ADAMTSL1: variants seen among roughly 807,000 people sequenced by gnomAD.
ADAMTSL1 encodes the protein ADAMTS like 1.
In ADAMTSL1, 126 loss-of-function variants were observed where a neutral mutation model predicts 201.8. That is an observed-to-expected ratio of 0.62 (90% CI 0.54 to 0.72). The LOEUF (loss-of-function observed/expected upper bound fraction) is 0.72. Among genes scored for constraint, ADAMTSL1 ranks in the 30% least tolerant of loss-of-function variants. The probability of loss-of-function intolerance (pLI) is 0.00; values close to 1 mark genes in which losing one functional copy is unlikely to be tolerated. For missense variants in ADAMTSL1, 2,679 were observed against 2,277.8 expected (o/e 1.18, Z -3.59); for synonymous variants, 1,121 against 903.4 (o/e 1.24, Z -4.32).
intron 2 of ADAMTSL1, among the ~76,000 whole-genome samples, chr9:18,224,152 C>G (rs1307746444): frequency 3.3e-5 from 5 of 152,076 alleles, no homozygotes; most frequent in Non-Finnish European, 5.9e-5. Context: ...GTCTTGGTCC[C>G]TTTGTGCTGC....
At chr9:18,396,325 A>C (rs1817752041) in intron 2 of ADAMTSL1, among the ~76,000 whole-genome samples, 1 of 152,130 alleles carries the variant, frequency 6.6e-6, no homozygotes, top group African/African-American at 2.4e-5. Flanking sequence ...CAATATAAAA[A>C]TTAGATTGTG....
chr9:18,564,849 C>T (rs532396638), intron 3 of ADAMTSL1, among the ~76,000 whole-genome samples: 1 of 152,036 alleles, frequency 6.6e-6, no homozygotes, highest in African/African-American at 2.4e-5. Context: ...TAATAAAAAG[C>T]CTCAAGGAAT....
chr9:18,180,997 C>G (rs1435100360), intron 2 of ADAMTSL1, among the ~76,000 whole-genome samples: 2 of 152,166 alleles, frequency 1.3e-5, no homozygotes, highest in East Asian at 1.9e-4. Flanking sequence ...CTACAACTAT[C>G]TGATCTTTGA....
intron 21 of ADAMTSL1, among the ~76,000 whole-genome samples, chr9:18,821,669 T>C (rs142687758): frequency 7.9e-5 from 12 of 152,318 alleles, no homozygotes; most frequent in African/African-American, 2.6e-4. Context: ...CTTGGTTTTT[T>C]AGAATAATTG....
At chr9:18,064,660 AG>A (rs148311560) in intron 1 of ADAMTSL1, among the ~76,000 whole-genome samples, 4,131 of 152,276 alleles carry the variant, frequency 0.027, 93 homozygotes, top group African/African-American at 0.068. Context: ...AGTTGATGAA[AG>A]AATGATTACA....
intron 1 of ADAMTSL1, among the ~76,000 whole-genome samples, chr9:18,065,291 G>T (rs1010305426): frequency 1.3e-5 from 2 of 152,092 alleles, no homozygotes; most frequent in Non-Finnish European, 2.9e-5. Context: ...GTGTTGGCTG[G>T]CAATTTCTAG....
At chr9:18,313,627 A>C (rs1834238893) in intron 2 of ADAMTSL1, among the ~76,000 whole-genome samples, 1 of 152,168 alleles carries the variant, frequency 6.6e-6, no homozygotes, top group South Asian at 2.1e-4. Flanking sequence ...AAAGAATAAA[A>C]TTGGGCTCTC....
intron 2 of ADAMTSL1, among the ~76,000 whole-genome samples, chr9:18,199,868 C>A (rs1226152863): frequency 6.7e-6 from 1 of 150,122 alleles, no homozygotes; most frequent in African/African-American, 2.4e-5. Flanking sequence ...TTTCACAATA[C>A]AAATGGTTCA....
intron 2 of ADAMTSL1, among the ~76,000 whole-genome samples, chr9:18,336,940 A>G (rs1835265000): frequency 6.6e-6 from 1 of 152,164 alleles, no homozygotes; most frequent in Non-Finnish European, 1.5e-5. Context: ...ACATTGTTCC[A>G]AGCCTTTATT....
At chr9:18,001,639 A>G (rs181102966) in intron 1 of ADAMTSL1, among the ~76,000 whole-genome samples, 3 of 152,198 alleles carry the variant, frequency 2.0e-5, no homozygotes, top group Admixed American at 6.5e-5. Context: ...GTGTAGCAGT[A>G]AAGAAGGGCA....
intron 4 of ADAMTSL1, among the ~76,000 whole-genome samples, chr9:18,609,723 A>G (rs1049092159): frequency 6.6e-6 from 1 of 152,068 alleles, no homozygotes; most frequent in African/African-American, 2.4e-5. Flanking sequence ...TCCCCCCCCT[A>G]AAATAATCAA....
chr9:18,191,989 G>A (rs1828990208), intron 2 of ADAMTSL1, among the ~76,000 whole-genome samples: 1 of 152,064 alleles, frequency 6.6e-6, no homozygotes, highest in Non-Finnish European at 1.5e-5. Flanking sequence ...AGATCTTCTT[G>A]TAATGAAATA....
intron 3 of ADAMTSL1, among the ~76,000 whole-genome samples, chr9:18,567,051 G>A (rs1385366288): frequency 6.6e-6 from 1 of 152,114 alleles, no homozygotes; most frequent in Non-Finnish European, 1.5e-5. Context: ...AAATTATTAA[G>A]CCTCACCCCA....
intron 1 of ADAMTSL1, among the ~76,000 whole-genome samples, chr9:17,933,924 G>A (rs538877348): frequency 2.9e-4 from 44 of 152,154 alleles, no homozygotes; most frequent in South Asian, 2.3e-3. Flanking sequence ...AAAGATACTT[G>A]TTTCTGTTCT....
intron 2 of ADAMTSL1, among the ~76,000 whole-genome samples, chr9:18,379,963 C>T (rs1837480449): frequency 6.6e-6 from 1 of 152,148 alleles, no homozygotes; most frequent in African/African-American, 2.4e-5. Context: ...AAATAAAGCA[C>T]ATACGGAATG....
At chr9:18,250,383 T>C (rs756382191) in intron 2 of ADAMTSL1, among the ~76,000 whole-genome samples, 1 of 152,198 alleles carries the variant, frequency 6.6e-6, no homozygotes, top group Admixed American at 6.5e-5. Flanking sequence ...GGGAGAGATA[T>C]CTGGAGGGGT....
intron 2 of ADAMTSL1, among the ~76,000 whole-genome samples, chr9:18,330,777 A>G (rs1464471496): frequency 6.6e-6 from 1 of 152,230 alleles, no homozygotes; most frequent in African/African-American, 2.4e-5. Flanking sequence ...ATATGGCACT[A>G]AGCAAACCAA....
chr9:17,982,131 T>C (rs1196823563), intron 1 of ADAMTSL1, among the ~76,000 whole-genome samples: 1 of 152,226 alleles, frequency 6.6e-6, no homozygotes, highest in East Asian at 1.9e-4. Flanking sequence ...TCTTGTTTTA[T>C]AGTTTTCCTC....
chr9:18,705,037 A>C (rs560010757), intron 13 of ADAMTSL1, among the ~76,000 whole-genome samples: 1 of 152,360 alleles, frequency 6.6e-6, no homozygotes, highest in East Asian at 1.9e-4. Flanking sequence ...TCTTCTGAGC[A>C]GACCACCCCT....
Sources: gnomAD v4.1 joint callset for allele counts (sites outside exome capture counted in the v4.1 genomes callset) on GRCh38, gnomAD v4.1.1 for gene constraint, MANE v1.5 for transcripts, NCBI Gene and HGNC (gene_info 2026-07-23, HGNC 2026-07-21) for gene names.